The following MMP3 variants were observed in gnomAD, a reference collection of about 807,000 sequenced individuals.
MMP3 encodes stromelysin-1.
Under a neutral mutation model 47.3 loss-of-function variants are expected in MMP3, and 46 were observed. The observed-to-expected ratio is 0.97, with a 90% CI of 0.77 to 1.24. MMP3 has a LOEUF of 1.24. Ranked by LOEUF, MMP3 falls within the 50% of genes most tolerant of loss-of-function variation. The pLI is 0.00. For synonymous variants in MMP3, 216 were observed against 206.5 expected (o/e 1.05, Z -0.39); for missense variants, 558 against 565.5 (o/e 0.99, Z 0.13).
rs201667769 is a variant in MMP3, at chr11:102,838,637, G to C, written c.1143C>G (p.Phe381Leu). 1.2e-6 allele frequency: 2 copies of C among 1,613,310 alleles called. No homozygotes were observed. The highest frequency in any genetic ancestry group is 1.7e-6 in the Non-Finnish European group (2 of 1,179,872). ...CATCGATTTTCCTCACGGTTGGAGG[G>C]AAACCTAGGGTGTGGATGCCTCTTG... Reference protein sequence around the residue: ...GYPRGIHTLGFPPTVRKIDAA... With the variant: ...GYPRGIHTLGLPPTVRKIDAA... The change falls in exon 8 of 10, where the codon TTC becomes TTG. Residue 381 changes from phenylalanine to leucine, a missense_variant. By Grantham distance (22) the Phe-to-Leu change is conservative. Transcript: ENST00000299855.
chr11:102,841,051 C>T (rs1303686146), intron 4 of MMP3, among the ~76,000 whole-genome samples: 1 of 152,148 alleles, frequency 6.6e-6, no homozygotes, highest in East Asian at 1.9e-4. Flanking sequence ...TTGATAATGT[C>T]TCAGCCTCAT....
rs1360881094 is a variant in MMP3 at position 102,836,580 on chromosome 11, A to G, written c.1334-354T>C. 1 of 482,494 alleles carries G rather than the reference A, an allele frequency of 2.1e-6. No individual in the cohort carries two copies. Among genetic ancestry groups the G allele is most frequent in the Non-Finnish European group, 4.3e-6 (1 of 234,972 alleles). 29.9% of individuals were successfully genotyped at this position (482,494 alleles called of 1,614,324 possible). A position where few individuals can be genotyped will look rare whatever the true frequency, so the allele number is the denominator to read the frequency against. ...ACAGGGTTATTCTGCTTCCGATCAG[A>G]TAAATTCTCCACTTGCTTGGAAACT... is the stretch of plus-strand genomic sequence containing the variant. On this transcript the variant is annotated intron_variant, in intron 9 of 9. Transcript: ENST00000299855. This position sits in a 1 kb window ranked among gnomAD's most constrained non-coding sequence, Gnocchi z 4.6.
In MMP3 at chr11:102,838,682, A is replaced by G. The variant is rs782270306; in HGVS notation, c.1098T>C (p.Asn366=). 6 of 1,612,982 alleles carry G rather than the reference A, an allele frequency of 3.7e-6. No homozygotes were observed. The Admixed American group carries it at 5.0e-5, about 13-fold the overall frequency. The change falls in exon 8 of 10, where the codon AAT becomes AAC. Residue 366 remains asparagine, a synonymous_variant. Transcript: ENST00000299855. ...KGNQFWAIRG[N]EVRAGYPRGI... ...CTCTTGGGTATCCAGCTCGTACCTC[A>G]TTTCCTCTGATAGCCCAGAATTGAT...
Position 102,840,172 on chromosome 11 carries a change from C to G in MMP3, c.871G>C (p.Asp291His). 6.2e-7 allele frequency: 1 copy of G among 1,614,088 alleles called. No individual in the cohort carries two copies. The highest frequency in any genetic ancestry group is 8.5e-7 in the Non-Finnish European group (1 of 1,180,000). Residue 291 changes from aspartate (D) to histidine (H), a missense_variant, in exon 6 of 10, where the codon GAT (aspartate) becomes CAT (histidine). By Grantham distance (81) the Asp-to-His change is moderately conservative (BLOSUM62 -1). Coordinates refer to ENST00000299855, the MANE Select transcript of MMP3 (RefSeq NM_002422.5). Reference sequence around the variant, plus strand: ...ACAGCATCAAAGGACAAAGCAGGATCACAGTTGGCTGGCGTCCCAGGTTCT... The same window carrying G: ...ACAGCATCAAAGGACAAAGCAGGATGACAGTTGGCTGGCGTCCCAGGTTCT... The part of the protein sequence containing the change: ...PPEPGTPANC[D>H]PALSFDAVST...
rs1858906920 is a variant in MMP3 at position 102,837,620 on chromosome 11, A to G, written c.1230-219T>C. ...CGGAACAGGGGCCGCATCCTGCTGT[A>G]TGTAGCACATGCTGTTTGTCATCAT... On this transcript the variant is annotated intron_variant, in intron 8 of 9. Transcript: ENST00000299855. This position sits in a 1 kb window ranked among gnomAD's most constrained non-coding sequence, Gnocchi z 4.4. Among the ~76,000 whole-genome samples, 1 of 152,158 alleles carries G rather than the reference A, an allele frequency of 6.6e-6. No homozygotes were observed. The highest frequency in any genetic ancestry group is 2.4e-5 in the African/African-American group (1 of 41,462).
Position 102,840,169 on chromosome 11 carries a change from G to C in MMP3, c.874C>G (p.Pro292Ala), listed in dbSNP as rs782812551. The C allele has an allele frequency of 6.2e-7, 1 of 1,613,970 alleles. No homozygotes were observed. Among genetic ancestry groups the C allele is most frequent in the African/African-American group, 1.3e-5 (1 of 74,896 alleles). The stretch of plus-strand genomic sequence containing the variant: ...CTGACAGCATCAAAGGACAAAGCAG[G>C]ATCACAGTTGGCTGGCGTCCCAGGT... ...PEPGTPANCD[P>A]ALSFDAVSTL... Residue 292 changes from proline to alanine, a missense_variant, in exon 6 of 10, where the codon CCT (proline) becomes GCT (alanine). Transcript: ENST00000299855.
rs1858889162 is a variant in MMP3, at chr11:102,836,710, G to A, written c.1334-484C>T. The A allele has an allele frequency of 5.6e-6, 2 of 358,836 alleles. No individual in the cohort carries two copies. The highest frequency in any genetic ancestry group is 7.6e-5 in the East Asian group (1 of 13,084). 22.2% of individuals were successfully genotyped at this position (358,836 alleles called of 1,614,324 possible). A position where few individuals can be genotyped will look rare whatever the true frequency, so the allele number is the denominator to read the frequency against. ...TCAAAACACCAGGGGACCCTTTAGT[G>A]CTCTGCAAACATGGTGATCAGGTTA... On this transcript the variant is annotated intron_variant, in intron 9 of 9. Transcript: ENST00000299855. The surrounding 1 kb of genome is among the most constrained non-coding windows in gnomAD (Gnocchi z 4.6).
intron 4 of MMP3, 52 bp downstream of exon 4, chr11:102,842,102 C>A: frequency 1.4e-6 from 2 of 1,475,588 alleles, no homozygotes; most frequent in Admixed American, 2.2e-5. Context: ...TAACAGATTT[C>A]TACATATAAA....
At chr11:102,841,098 A>AATGAT (rs1270317221) in intron 4 of MMP3, among the ~76,000 whole-genome samples, 1 of 152,242 alleles carries the variant, frequency 6.6e-6, no homozygotes, top group African/African-American at 2.4e-5. Flanking sequence ...AAACATGAAT[A>AATGAT]ATGATAGATG....
Position 102,839,121 on chromosome 11 carries a change from AAAACG to A in MMP3, c.1053_1057del (p.Val352HisfsTer3). On this transcript the variant is annotated frameshift_variant, in exon 7 of 10. Coordinates refer to ENST00000299855, the MANE Select transcript of MMP3 (RefSeq NM_002422.5). LOFTEE classifies it high-confidence loss of function. ...GATATAGTAATTACCTTTAAAAATGAAAACGAGGTCCTTGCTAGTAACTTCATATG... is the reference window on the plus strand; with the variant it reads ...GATATAGTAATTACCTTTAAAAATGAAGGTCCTTGCTAGTAACTTCATATG... 1 of 1,612,266 alleles carries A rather than the reference AAAACG, an allele frequency of 6.2e-7. No individual in the cohort carries two copies. The highest frequency in any genetic ancestry group is 8.5e-7 in the Non-Finnish European group (1 of 1,179,542).
rs1280008452 is a variant in MMP3 at position 102,838,553 on chromosome 11, C to T, written c.1227G>A (p.Trp409Ter). ...KTYFFVEDKY[W>*]RFDEKRNSME... ...AAGTCATTTCTCTTGCATCTCACCT[C>T]CAGTATTTGTCCTCTACAAAGAAAT... The change falls in exon 8 of 10, where the codon TGG becomes TGA. Residue 409 changes from tryptophan to a stop codon, truncating the protein, a stop_gained and splice_region_variant. Transcript: ENST00000299855. LOFTEE classifies it high-confidence loss of function. 4.3e-6 allele frequency: 7 copies of T among 1,610,536 alleles called. No individual in the cohort carries two copies. The highest frequency in any genetic ancestry group is 5.9e-6 in the Non-Finnish European group (7 of 1,178,968).
At chr11:102,843,374 G>A in intron 1 of MMP3, 68 bp downstream of exon 1, 3 of 1,079,966 alleles carry the variant, frequency 2.8e-6, no homozygotes, top group Non-Finnish European at 4.2e-6. Flanking sequence ...TGGGTTTTAA[G>A]ACACACAGAA....
chr11:102,840,315 A>G lies in MMP3; in HGVS notation c.791-63T>C, dbSNP rs1015063641. On this transcript the variant is annotated intron_variant, in intron 5 of 9. Coordinates refer to ENST00000299855, the MANE Select transcript of MMP3 (RefSeq NM_002422.5). ...TATATGCCCATTTGTATGCTTTCCAAACATTCTCACGGTGCTTTGAACTAA... is the reference window on the plus strand; with the variant it reads ...TATATGCCCATTTGTATGCTTTCCAGACATTCTCACGGTGCTTTGAACTAA... The G allele has an allele frequency of 1.8e-5, 28 of 1,594,672 alleles. No individual in the cohort carries two copies. In the Admixed American group the frequency reaches 4.3e-4, roughly 25 times the overall value.
At position 102,840,168 on chromosome 11, in the gene MMP3, G is replaced by A. The variant is rs1858967635; in HGVS notation, c.875C>T (p.Pro292Leu). 2 of 1,614,120 alleles carry A rather than the reference G, an allele frequency of 1.2e-6. No homozygotes were observed. Among genetic ancestry groups the A allele is most frequent in the Non-Finnish European group, 8.5e-7 (1 of 1,180,004 alleles). ...GCTGACAGCATCAAAGGACAAAGCA[G>A]GATCACAGTTGGCTGGCGTCCCAGG... ...PEPGTPANCD[P>L]ALSFDAVSTL... Residue 292 changes from proline to leucine, a missense_variant, in exon 6 of 10, where the codon CCT becomes CTT. Physicochemically the swap from Pro to Leu is moderately conservative, Grantham distance 98. Coordinates refer to ENST00000299855, the MANE Select transcript of MMP3 (RefSeq NM_002422.5).
chr11:102,841,557 T>C (rs1468666221), intron 4 of MMP3, among the ~76,000 whole-genome samples: 3 of 152,166 alleles, frequency 2.0e-5, no homozygotes, highest in Non-Finnish European at 4.4e-5. Flanking sequence ...TTTTGAAAAC[T>C]TTGGATGTCA....
chr11:102,842,854 G>A lies in MMP3; in HGVS notation c.168C>T (p.Asp56=), dbSNP rs1555005822. 3 of 1,613,498 alleles carry A rather than the reference G, an allele frequency of 1.9e-6. No homozygotes were observed. The highest frequency in any genetic ancestry group is 2.5e-6 in the Non-Finnish European group (3 of 1,179,700). ...GGATTTTTTTAACAACAGGACCACT[G>A]TCCTTTCTCCTAACAAACTGTTTCA... ...KDVKQFVRRK[D]SGPVVKKIRE... Residue 56 remains aspartate, a synonymous_variant, in exon 2 of 10, where the codon GAC becomes GAT. Coordinates refer to ENST00000299855, the MANE Select transcript of MMP3 (RefSeq NM_002422.5).
At position 102,835,961 on chromosome 11, in the gene MMP3, C is replaced by G. The variant is rs1858872511; in HGVS notation, c.*165G>C. The G allele has an allele frequency of 1.7e-6, 1 of 589,320 alleles. No homozygotes were observed. Among genetic ancestry groups the G allele is most frequent in the Non-Finnish European group, 3.1e-6 (1 of 326,376 alleles). The allele number at this position is 589,320 out of a possible 1,614,324, so 36.5% of individuals were successfully genotyped here. A position where few individuals can be genotyped will look rare whatever the true frequency, so the allele number is the denominator to read the frequency against. On this transcript the variant is annotated 3_prime_UTR_variant, in exon 10 of 10. Coordinates refer to ENST00000299855, the MANE Select transcript of MMP3 (RefSeq NM_002422.5). ...AGCCCATTTGAATGCCCTGTAATAA[C>G]ATAAAAATGACCGGCAAGATACAGA... is the stretch of plus-strand genomic sequence containing the variant.
intron 5 of MMP3, 82 bp downstream of exon 5, chr11:102,840,343 CATAA>C (rs371675702): frequency 6.3e-7 from 1 of 1,585,382 alleles, no homozygotes; most frequent in South Asian, 1.2e-5. Context: ...TGAACTAAAT[CATAA>C]ATACTTTATG....
At chr11:102,843,044 T>A in intron 1 of MMP3, 128 bp from the exon 2 acceptor site, 1 of 850,414 alleles carries the variant, frequency 1.2e-6, no homozygotes, top group Non-Finnish European at 1.7e-6. Context: ...GCTGAAATAA[T>A]GGCAAATTTT....
Sources: gnomAD v4.1 joint callset for allele counts (sites outside exome capture counted in the v4.1 genomes callset) on GRCh38, gnomAD v4.1.1 for gene constraint, Gnocchi (gnomAD v3.1) non-coding constraint, MANE v1.5 for transcripts, NCBI Gene and HGNC (gene_info 2026-07-23, HGNC 2026-07-21) for gene names.